SPHKAP: variants seen among roughly 807,000 people sequenced by gnomAD.
SPHKAP encodes the protein A-kinase anchor protein SPHKAP.
In SPHKAP, 67 loss-of-function variants were observed where a neutral mutation model predicts 137.5. That is an observed-to-expected ratio of 0.49 (90% CI 0.40 to 0.60). The LOEUF is 0.60. SPHKAP is among the 20% of genes least tolerant of loss of function. SPHKAP has a pLI of 0.00. For missense variants in SPHKAP, 2,097 were observed against 2,069.3 expected (o/e 1.01, Z -0.26); for synonymous variants, 813 against 785.3 (o/e 1.04, Z -0.59).
intron 1 of SPHKAP, among the ~76,000 whole-genome samples, chr2:228,139,205 C>A (rs181924254): frequency 1.3e-5 from 2 of 151,910 alleles, no homozygotes; most frequent in African/African-American, 4.8e-5. Flanking sequence ...TTTTCAGTTC[C>A]GAAATCTTTT....
intron 3 of SPHKAP, among the ~76,000 whole-genome samples, chr2:228,041,892 T>C (rs1253077581): frequency 6.6e-6 from 1 of 152,050 alleles, no homozygotes; most frequent in East Asian, 1.9e-4. Flanking sequence ...AGCCATGTCC[T>C]GTGGGTTGTG....
At chr2:228,025,189 T>A (rs1199428137) in intron 5 of SPHKAP, among the ~76,000 whole-genome samples, 1 of 152,200 alleles carries the variant, frequency 6.6e-6, no homozygotes, top group African/African-American at 2.4e-5. Flanking sequence ...TAATAGAAAT[T>A]AGGAGTTGAT....
chr2:228,134,065 G>C (rs1699352688), intron 1 of SPHKAP, among the ~76,000 whole-genome samples: 1 of 147,830 alleles, frequency 6.8e-6, no homozygotes, highest in East Asian at 2.0e-4. Context: ...AGGAAGGAAA[G>C]AAAAAGAGAG....
chr2:228,142,445 C>T (rs1367269279), intron 1 of SPHKAP, among the ~76,000 whole-genome samples: 2 of 151,002 alleles, frequency 1.3e-5, no homozygotes, highest in Admixed American at 6.6e-5. Context: ...GCACTCCAGC[C>T]TGGGTGACAG....
intron 1 of SPHKAP, among the ~76,000 whole-genome samples, chr2:228,144,307 C>T (rs780937503): frequency 5.3e-5 from 8 of 152,072 alleles, no homozygotes; most frequent in Non-Finnish European, 1.0e-4. Flanking sequence ...TTGTGTGCTC[C>T]CACCCCATGC....
intron 7 of SPHKAP, among the ~76,000 whole-genome samples, chr2:228,015,755 A>G (rs7589063): frequency 0.53 from 80,601 of 151,946 alleles, 21,740 homozygotes; most frequent in South Asian, 0.67. Context: ...CAGCCCTTCT[A>G]GGACACAGTG....
intron 1 of SPHKAP, among the ~76,000 whole-genome samples, chr2:228,162,012 C>T (rs1334097164): frequency 6.6e-6 from 1 of 152,106 alleles, no homozygotes; most frequent in Non-Finnish European, 1.5e-5. Context: ...ATAATCATGG[C>T]CCAGAGGAAG....
chr2:228,097,809 T>C (rs1020870309), intron 3 of SPHKAP, among the ~76,000 whole-genome samples: 4 of 152,148 alleles, frequency 2.6e-5, no homozygotes, highest in African/African-American at 9.7e-5. Context: ...GCAAAGAACA[T>C]GATTTTATTC....
chr2:228,057,046 C>A (rs904754820), intron 3 of SPHKAP, among the ~76,000 whole-genome samples: 1 of 152,176 alleles, frequency 6.6e-6, no homozygotes, highest in Non-Finnish European at 1.5e-5. Context: ...AACAAGGAAG[C>A]GAGGCATGGC....
intron 11 of SPHKAP, among the ~76,000 whole-genome samples, chr2:227,983,714 C>T (rs1467681271): frequency 3.9e-5 from 6 of 152,108 alleles, no homozygotes; most frequent in Admixed American, 6.6e-5. Flanking sequence ...AATGTATTTT[C>T]GCATATATAA....
intron 3 of SPHKAP, among the ~76,000 whole-genome samples, chr2:228,058,151 G>A (rs182568650): frequency 6.6e-6 from 1 of 152,232 alleles, no homozygotes; most frequent in East Asian, 1.9e-4. Context: ...AGAAACAAAA[G>A]CCTCCAGTTG....
At chr2:228,037,698 C>G (rs112655449) in intron 3 of SPHKAP, among the ~76,000 whole-genome samples, 2 of 151,968 alleles carry the variant, frequency 1.3e-5, no homozygotes, top group Non-Finnish European at 2.9e-5. Context: ...TAGTAGGAGT[C>G]GAAATGGAAA....
At position 228,154,689 on chromosome 2, in the gene SPHKAP, C is replaced by G. The variant is rs1035405453; in HGVS notation, c.33-22604G>C. On this transcript the variant is annotated intron_variant, in intron 1 of 11. Coordinates refer to ENST00000392056, the MANE Select transcript of SPHKAP (RefSeq NM_001142644.2). ...TCAGCCTCCCGAGTAGCTGGGAGTA[C>G]AGGCGCCTGCCACCATGCCTGGCTA... 4.8e-4 allele frequency among the ~76,000 whole-genome samples: 70 copies of G among 145,704 alleles called. 1 individual carries two copies. The highest frequency in any genetic ancestry group is 1.8e-3 in the African/African-American group (70 of 39,884).
At chr2:228,169,271 A>G (rs1700511077) in intron 1 of SPHKAP, among the ~76,000 whole-genome samples, 3 of 152,198 alleles carry the variant, frequency 2.0e-5, no homozygotes, top group Non-Finnish European at 4.4e-5. Context: ...AAATCCTTAC[A>G]TTAGAACAAG....
chr2:228,035,555 A>G (rs1278132100), intron 3 of SPHKAP, among the ~76,000 whole-genome samples: 1 of 152,224 alleles, frequency 6.6e-6, no homozygotes, highest in Non-Finnish European at 1.5e-5. Flanking sequence ...TGGAACAAAA[A>G]AAGAGCCTGT....
intron 3 of SPHKAP, among the ~76,000 whole-genome samples, chr2:228,041,552 G>A (rs951946513): frequency 6.6e-6 from 1 of 151,162 alleles, no homozygotes; most frequent in Non-Finnish European, 1.5e-5. Flanking sequence ...GCTGAGGCAG[G>A]AGAATCGCTT....
intron 3 of SPHKAP, among the ~76,000 whole-genome samples, chr2:228,052,198 A>G (rs947786474): frequency 3.9e-5 from 6 of 152,176 alleles, no homozygotes; most frequent in Non-Finnish European, 7.3e-5. Flanking sequence ...AAGAAAAAAA[A>G]AAGAGGAAAT....
At chr2:228,085,675 A>C (rs535426373) in intron 3 of SPHKAP, among the ~76,000 whole-genome samples, 1 of 152,352 alleles carries the variant, frequency 6.6e-6, no homozygotes, top group African/African-American at 2.4e-5. Context: ...AAAGTTAAAC[A>C]ATCAATACTG....
chr2:228,025,122 T>TA (rs1694984341), intron 5 of SPHKAP, among the ~76,000 whole-genome samples: 1 of 152,236 alleles, frequency 6.6e-6, no homozygotes. Flanking sequence ...CCAAGCTAAG[T>TA]AACCAATGCC....
Sources: allele counts gnomAD v4.1 joint callset (sites outside exome capture counted in the v4.1 genomes callset), GRCh38; gene constraint gnomAD v4.1.1; transcripts MANE v1.5; gene names NCBI Gene and HGNC (gene_info 2026-07-23, HGNC 2026-07-21).